The following TMEM128 variants were observed in gnomAD, a reference collection of about 807,000 sequenced individuals.
TMEM128 encodes the protein transmembrane protein 128.
In TMEM128, 16 loss-of-function variants were observed where a neutral mutation model predicts 19.7. That is an observed-to-expected ratio of 0.81 (90% CI 0.55 to 1.23). The LOEUF (loss-of-function observed/expected upper bound fraction) is 1.23. Among genes scored for constraint, TMEM128 ranks in the 50% most tolerant of loss-of-function variants. The pLI is 0.00. For synonymous variants in TMEM128, 98 were observed against 75.8 expected (o/e 1.29, Z -1.52); for missense variants, 237 against 200.8 (o/e 1.18, Z -1.09).
At chr4:4,248,020 C>T in intron 1 of TMEM128, 86 bp downstream of exon 1, 1 of 1,506,270 alleles carries the variant, frequency 6.6e-7, no homozygotes, top group Non-Finnish European at 8.8e-7. Context: ...CTCAGTCCTT[C>T]CAGACTGGGC....
At position 4,248,137 on chromosome 4, in the gene TMEM128, G is replaced by C; in HGVS notation, c.66C>G (p.Ala22=). ...RRFLLLPDAE[A]QLDREGDAGP... is the part of the protein sequence containing the mutation. The stretch of plus-strand genomic sequence containing the variant: ...CGGCGTCACCCTCGCGGTCCAGCTG[G>C]GCCTCGGCGTCCGGCAGGAGGAGGA... The change falls in exon 1 of 5, where the codon GCC becomes GCG. Residue 22 remains alanine (A), a synonymous_variant. Coordinates refer to ENST00000382753, the MANE Select transcript of TMEM128 (RefSeq NM_001297551.2). 6.5e-7 allele frequency: 1 copy of C among 1,534,460 alleles called. No homozygotes were observed. The highest frequency in any genetic ancestry group is 2.5e-5 in the East Asian group (1 of 40,196).
chr4:4,243,671 T>G (rs1024484508), intron 2 of TMEM128, among the ~76,000 whole-genome samples: 2 of 152,152 alleles, frequency 1.3e-5, no homozygotes, highest in African/African-American at 4.8e-5. Flanking sequence ...CATTTCTGCC[T>G]TTTTCTCTCT....
intron 2 of TMEM128, 112 bp downstream of exon 2, chr4:4,246,090 C>A: frequency 1.8e-6 from 2 of 1,128,442 alleles, no homozygotes; most frequent in Non-Finnish European, 2.5e-6. Context: ...ACCTCCAACA[C>A]AGGGCCTGGC....
intron 1 of TMEM128, chr4:4,247,859 G>A: frequency 7.0e-7 from 1 of 1,428,964 alleles, no homozygotes; most frequent in Non-Finnish European, 9.1e-7. Context: ...CTTAAAACTG[G>A]TGGGTATTTT....
chr4:4,240,970 G>C (rs1487325519), intron 2 of TMEM128, among the ~76,000 whole-genome samples: 1 of 152,214 alleles, frequency 6.6e-6, no homozygotes, highest in Non-Finnish European at 1.5e-5. Context: ...CAATCTTCTT[G>C]GGAGGATGAG....
At chr4:4,243,577 T>A (rs1008994059) in intron 2 of TMEM128, among the ~76,000 whole-genome samples, 1 of 152,244 alleles carries the variant, frequency 6.6e-6, no homozygotes, top group East Asian at 1.9e-4. Context: ...TCTCATTTCA[T>A]GGCTGTTCAA....
chr4:4,242,050 G>A (rs75017970), intron 2 of TMEM128, among the ~76,000 whole-genome samples: 46,915 of 151,774 alleles, frequency 0.31, 7,843 homozygotes, highest in East Asian at 0.46. Context: ...TACAGGCACT[G>A]GCCACCACGC....
intron 1 of TMEM128, 103 bp downstream of exon 1, chr4:4,248,003 G>C: frequency 6.8e-7 from 1 of 1,478,014 alleles, no homozygotes; most frequent in Non-Finnish European, 8.9e-7. Flanking sequence ...GACTTGCAAA[G>C]CCGAAACTCA....
intron 2 of TMEM128, among the ~76,000 whole-genome samples, chr4:4,243,590 C>A (rs1012853962): frequency 1.3e-5 from 2 of 152,150 alleles, no homozygotes; most frequent in East Asian, 1.9e-4. Flanking sequence ...CTGTTCAATA[C>A]CCCCCAACTC....
chr4:4,239,739 T>C (rs1245226949), intron 3 of TMEM128, among the ~76,000 whole-genome samples: 3 of 152,204 alleles, frequency 2.0e-5, no homozygotes, highest in Non-Finnish European at 4.4e-5. Flanking sequence ...GAGTCACTGT[T>C]CCCGGCGACA....
At chr4:4,247,884 AT>A in intron 1 of TMEM128, 1 of 1,430,408 alleles carries the variant, frequency 7.0e-7, no homozygotes, top group Non-Finnish European at 9.1e-7. Context: ...TTTAATCGCT[AT>A]TTCCAAATAG....
intron 2 of TMEM128, among the ~76,000 whole-genome samples, chr4:4,245,408 A>C (rs12501214): frequency 0.31 from 46,806 of 151,846 alleles, 7,799 homozygotes; most frequent in East Asian, 0.44. Flanking sequence ...CCCTGTAGTT[A>C]CCTTGTCAGC....
chr4:4,247,899 T>C (rs1246926961), intron 1 of TMEM128: 36 of 1,430,336 alleles, frequency 2.5e-5, no homozygotes, highest in Non-Finnish European at 3.3e-5. Flanking sequence ...CAAATAGGTG[T>C]CAAATCAGCT....
chr4:4,246,366 CTTA>C (rs1177341393), intron 1 of TMEM128, 23 bp from the exon 2 acceptor site: 2 of 1,579,472 alleles, frequency 1.3e-6, no homozygotes, highest in African/African-American at 1.4e-5. Flanking sequence ...GAGATTTCAA[CTTA>C]TTAAGTTACC....
At chr4:4,247,089 A>C (rs1344417156) in intron 1 of TMEM128, among the ~76,000 whole-genome samples, 2 of 152,196 alleles carry the variant, frequency 1.3e-5, no homozygotes, top group Non-Finnish European at 2.9e-5. Flanking sequence ...TAGTTACTTT[A>C]AACACAGCTC....
chr4:4,244,223 C>T (rs970242531), intron 2 of TMEM128, among the ~76,000 whole-genome samples: 12 of 152,138 alleles, frequency 7.9e-5, no homozygotes, highest in Non-Finnish European at 1.0e-4. Context: ...CACCTGTAAT[C>T]GCAGTACTTT....
Position 4,236,092 on chromosome 4 carries a change from A to G in TMEM128, c.*174T>C, listed in dbSNP as rs1243961371. On this transcript the variant is annotated 3_prime_UTR_variant, in exon 5 of 5. Coordinates refer to ENST00000382753, the MANE Select transcript of TMEM128 (RefSeq NM_001297551.2). ...TGTAGCTTTTCTGTTAGGGTCTGCC[A>G]TGCTTTCAGCTAGCTGGATGTTTAA... 3 of 152,164 alleles carry G rather than the reference A, an allele frequency of 2.0e-5. No homozygotes were observed. The highest frequency in any genetic ancestry group is 7.2e-5 in the African/African-American group (3 of 41,450). 9.4% of individuals were successfully genotyped at this position (152,164 alleles called of 1,614,324 possible).
At chr4:4,239,642 A>G (rs1363087973) in intron 3 of TMEM128, among the ~76,000 whole-genome samples, 1 of 152,226 alleles carries the variant, frequency 6.6e-6, no homozygotes, top group Non-Finnish European at 1.5e-5. Flanking sequence ...TAGTAACCCC[A>G]AACTGAAAAA....
intron 2 of TMEM128, among the ~76,000 whole-genome samples, chr4:4,242,563 G>C (rs933262730): frequency 6.6e-6 from 1 of 151,636 alleles, no homozygotes; most frequent in African/African-American, 2.4e-5. Flanking sequence ...TTGTTGCCCA[G>C]GCTGGAGTGC....
Sources: allele counts gnomAD v4.1 joint callset (sites outside exome capture counted in the v4.1 genomes callset), GRCh38; gene constraint gnomAD v4.1.1; transcripts MANE v1.5; gene names NCBI Gene and HGNC (gene_info 2026-07-23, HGNC 2026-07-21).